Variants in SPMIP4 observed in about 807,000 individuals in gnomAD.
SPMIP4 encodes the protein sperm microtubule inner protein 4.
At chr7:25,136,721 G>C in the SPMIP4 span, 1 of 1,614,062 alleles carries the variant, frequency 6.2e-7, no homozygotes, top group Non-Finnish European at 8.5e-7. This position sits in a 1 kb window ranked among gnomAD's most constrained non-coding sequence, Gnocchi z 5.7. Context: ...AGAGAACGTC[G>C]GTTCTGAATT....
chr7:25,128,403 C>G, the SPMIP4 span, among the ~76,000 whole-genome samples: 1 of 152,164 alleles, frequency 6.6e-6, no homozygotes, highest in Admixed American at 6.5e-5. This position sits in a 1 kb window ranked among gnomAD's most constrained non-coding sequence, Gnocchi z 4.5. Context: ...ACCTGGCACC[C>G]AAACCACAAG....
the SPMIP4 span, among the ~76,000 whole-genome samples, chr7:25,133,217 A>G: frequency 6.6e-6 from 1 of 152,106 alleles, no homozygotes; most frequent in East Asian, 1.9e-4. Context: ...TTTTTTCTGT[A>G]TGTTTTGTGC....
At chr7:25,138,753 C>T in the SPMIP4 span, among the ~76,000 whole-genome samples, 2 of 152,078 alleles carry the variant, frequency 1.3e-5, no homozygotes, top group Non-Finnish European at 2.9e-5. This position sits in a 1 kb window ranked among gnomAD's most constrained non-coding sequence, Gnocchi z 6.2. Flanking sequence ...ACTACTCTCC[C>T]AAAACAAAAA....
At chr7:25,147,635 G>C in the SPMIP4 span, among the ~76,000 whole-genome samples, 4 of 152,116 alleles carry the variant, frequency 2.6e-5, no homozygotes, top group Non-Finnish European at 4.4e-5. Flanking sequence ...ATGAAGCCCC[G>C]GGACTTAATT....
the SPMIP4 span, among the ~76,000 whole-genome samples, chr7:25,151,881 T>C: frequency 2.0e-5 from 3 of 152,350 alleles, no homozygotes; most frequent in South Asian, 4.1e-4. Context: ...CGTCTTGCTA[T>C]GTTTCCCAAG....
the SPMIP4 span, among the ~76,000 whole-genome samples, chr7:25,145,515 G>A: frequency 6.6e-6 from 1 of 152,148 alleles, no homozygotes; most frequent in East Asian, 1.9e-4. Context: ...TGAGAGAGGG[G>A]TGGTGGAAGT....
the SPMIP4 span, among the ~76,000 whole-genome samples, chr7:25,149,374 A>T: frequency 6.6e-6 from 1 of 152,222 alleles, no homozygotes; most frequent in Non-Finnish European, 1.5e-5. Context: ...AGAGAAAAAA[A>T]GGTGAGTCAT....
At chr7:25,158,650 A>C in the SPMIP4 span, 1 of 789,414 alleles carries the variant, frequency 1.3e-6, no homozygotes, top group South Asian at 1.7e-5. Context: ...CTGTAATCCC[A>C]GCACTTTGGG....
chr7:25,135,611 A>T, the SPMIP4 span: 1 of 854,398 alleles, frequency 1.2e-6, no homozygotes, highest in Non-Finnish European at 1.4e-6. Flanking sequence ...TGATCATTTG[A>T]GTTCTTTCCA....
the SPMIP4 span, among the ~76,000 whole-genome samples, chr7:25,146,009 C>T: frequency 6.6e-6 from 1 of 152,002 alleles, no homozygotes; most frequent in African/African-American, 2.4e-5. Context: ...CTGTGGAGAC[C>T]ACATTGCCAT....
the SPMIP4 span, chr7:25,136,676 G>T: frequency 6.2e-7 from 1 of 1,614,158 alleles, no homozygotes; most frequent in Non-Finnish European, 8.5e-7. The surrounding 1 kb of genome is among the most constrained non-coding windows in gnomAD (Gnocchi z 5.7). Context: ...GTACAATCTG[G>T]ACAGGAACGT....
chr7:25,146,221 G>C, the SPMIP4 span, among the ~76,000 whole-genome samples: 1 of 152,182 alleles, frequency 6.6e-6, no homozygotes, highest in Non-Finnish European at 1.5e-5. Flanking sequence ...CCTCTAGTCA[G>C]GGCTTGGGAA....
the SPMIP4 span, chr7:25,135,485 GGT>G: frequency 2.6e-5 from 26 of 985,800 alleles, no homozygotes; most frequent in Non-Finnish European, 3.0e-5. Flanking sequence ...CAATTAACTA[GGT>G]GTTTGGGTTT....
chr7:25,177,413 G>A, the SPMIP4 span, among the ~76,000 whole-genome samples: 1 of 152,170 alleles, frequency 6.6e-6, no homozygotes, highest in South Asian at 2.1e-4. Flanking sequence ...AACCCAGGAG[G>A]CGGAGGTTGC....
At chr7:25,164,423 T>C in the SPMIP4 span, among the ~76,000 whole-genome samples, 1 of 152,188 alleles carries the variant, frequency 6.6e-6, no homozygotes, top group African/African-American at 2.4e-5. Flanking sequence ...GGGAACCTTT[T>C]GAACACCTAG....
chr7:25,157,181 C>G, the SPMIP4 span, among the ~76,000 whole-genome samples: 4 of 152,182 alleles, frequency 2.6e-5, no homozygotes, highest in African/African-American at 7.2e-5. Flanking sequence ...GGATTGCTAC[C>G]TAAGTACTAA....
chr7:25,154,900 T>G, the SPMIP4 span: 7 of 986,310 alleles, frequency 7.1e-6, no homozygotes, highest in Non-Finnish European at 1.0e-5. Context: ...CCTGATCTAT[T>G]GAGTCACACA....
chr7:25,176,862 C>T, the SPMIP4 span, among the ~76,000 whole-genome samples: 36,604 of 152,048 alleles, frequency 0.24, 4,948 homozygotes, highest in East Asian at 0.31. This position sits in a 1 kb window ranked among gnomAD's most constrained non-coding sequence, Gnocchi z 4.4. Flanking sequence ...GTTTGTAAAC[C>T]GGAGAAGATC....
chr7:25,142,412 C>T, the SPMIP4 span: 1 of 1,072,504 alleles, frequency 9.3e-7, no homozygotes. Context: ...GGAAAACTTA[C>T]CCATTCCTTT....
Sources: allele counts gnomAD v4.1 joint callset (sites outside exome capture counted in the v4.1 genomes callset), GRCh38; gene constraint gnomAD v4.1.1; non-coding constraint Gnocchi (gnomAD v3.1); transcripts MANE v1.5; gene names NCBI Gene and HGNC (gene_info 2026-07-23, HGNC 2026-07-21).